The following RPTOR variants were observed in gnomAD, a reference collection of about 807,000 sequenced individuals.
RPTOR encodes regulatory associated protein of MTOR complex 1.
RPTOR carries 21 observed loss-of-function variants against 169.9 expected under a neutral mutation model. The observed-to-expected ratio is 0.12, with a 90% CI of 0.09 to 0.18. RPTOR has a LOEUF of 0.18. RPTOR is among the 10% of genes least tolerant of loss of function. The pLI, the probability that RPTOR is intolerant of heterozygous loss-of-function variation, is 1.00. For synonymous variants in RPTOR, 732 were observed against 753.2 expected (o/e 0.97, Z 0.46); for missense variants, 1,133 against 1,855.9 (o/e 0.61, Z 7.16).
rs114301180 is a variant in RPTOR, at chr17:80,560,506, G to A, written c.162+14715G>A. ...GGCAGGGTGTGAGGTGGTGGTGGCT[G>A]GATGGGCCGGACGGAGAAAGGCCTT... On this transcript the variant is annotated intron_variant, in intron 1 of 33. Transcript: ENST00000306801. Among the ~76,000 whole-genome samples the A allele has an allele frequency of 8.0e-3, 1,222 of 152,272 alleles. 24 individuals are homozygous for A. Among genetic ancestry groups the A allele is most frequent in the African/African-American group, 0.028 (1,158 of 41,540 alleles).
chr17:80,753,073 T>C (rs1402136001), intron 5 of RPTOR, among the ~76,000 whole-genome samples: 4 of 152,218 alleles, frequency 2.6e-5, no homozygotes, highest in African/African-American at 9.6e-5. Flanking sequence ...CCTTTCTCCC[T>C]GATTACAAAA....
intron 14 of RPTOR, among the ~76,000 whole-genome samples, chr17:80,882,163 G>A (rs1383894662): frequency 6.6e-6 from 1 of 152,178 alleles, no homozygotes; most frequent in African/African-American, 2.4e-5. Context: ...TATGAAAGCC[G>A]GGCTAAGAGC....
intron 3 of RPTOR, among the ~76,000 whole-genome samples, chr17:80,700,452 T>A (rs2143051176): frequency 8.1e-6 from 1 of 123,472 alleles, no homozygotes; most frequent in African/African-American, 3.5e-5. Context: ...GTGGTGGTGG[T>A]GATGGTGGTG....
At chr17:80,798,856 G>A (rs894259094) in intron 7 of RPTOR, among the ~76,000 whole-genome samples, 3 of 152,220 alleles carry the variant, frequency 2.0e-5, no homozygotes, top group African/African-American at 7.2e-5. Flanking sequence ...GTCAGTGGGT[G>A]CTGGGTGAGA....
At chr17:80,891,320 C>G (rs2068320228) in intron 17 of RPTOR, among the ~76,000 whole-genome samples, 1 of 152,268 alleles carries the variant, frequency 6.6e-6, no homozygotes, top group Non-Finnish European at 1.5e-5. Context: ...GAAAGGCCGC[C>G]AGCCATCGGG....
At chr17:80,573,610 A>T (rs1239367222) in intron 1 of RPTOR, among the ~76,000 whole-genome samples, 3 of 152,178 alleles carry the variant, frequency 2.0e-5, no homozygotes, top group Non-Finnish European at 4.4e-5. Flanking sequence ...ATATTGCTTT[A>T]TATGCAGCAT....
At chr17:80,863,930 A>G (rs1260784604) in intron 13 of RPTOR, among the ~76,000 whole-genome samples, 1 of 152,234 alleles carries the variant, frequency 6.6e-6, no homozygotes, top group Non-Finnish European at 1.5e-5. Context: ...AAAGAAAGAA[A>G]GAAAATAGCA....
intron 11 of RPTOR, among the ~76,000 whole-genome samples, chr17:80,847,998 C>T (rs1237689215): frequency 2.0e-5 from 3 of 152,260 alleles, no homozygotes; most frequent in East Asian, 1.9e-4. Context: ...GCGTCGCAGG[C>T]GTGCTGTAGG....
At chr17:80,822,995 T>C in intron 8 of RPTOR, 84 bp from the exon 9 acceptor site, 2 of 1,482,934 alleles carry the variant, frequency 1.3e-6, no homozygotes, top group Non-Finnish European at 1.8e-6. Flanking sequence ...TAGTAATTTT[T>C]GATAGAAGTG....
intron 5 of RPTOR, among the ~76,000 whole-genome samples, chr17:80,743,673 A>G (rs2066508011): frequency 1.5e-5 from 2 of 136,374 alleles, no homozygotes; most frequent in Non-Finnish European, 3.5e-5. Flanking sequence ...GGTTGAGGGC[A>G]CAGCCCTGGC....
At chr17:80,925,314 G>A (rs538481557) in intron 23 of RPTOR, 56 bp from the exon 24 acceptor site, 8 of 1,462,340 alleles carry the variant, frequency 5.5e-6, no homozygotes, top group East Asian at 2.3e-5. Context: ...GCTCAGGAGT[G>A]GCATGACTGA....
Position 80,960,221 on chromosome 17 carries a change from C to T in RPTOR, c.3605+16C>T, listed in dbSNP as rs1568012255. 3 of 1,613,032 alleles carry T rather than the reference C, an allele frequency of 1.9e-6. No homozygotes were observed. Among genetic ancestry groups the T allele is most frequent in the Non-Finnish European group, 2.5e-6 (3 of 1,179,728 alleles). On this transcript the variant is annotated intron_variant, in intron 30 of 33. Transcript: ENST00000306801. This position sits in a 1 kb window ranked among gnomAD's most constrained non-coding sequence, Gnocchi z 4.8. ...TCAGCGAATGGTACCTTGACCCTGT[C>T]CTCTCCCTCCCCGAGTGCTGGCAGG...
chr17:80,820,404 G>A lies in RPTOR; in HGVS notation c.891-1797G>A, dbSNP rs996821865. Among the ~76,000 whole-genome samples, 3 of 152,188 alleles carry A rather than the reference G, an allele frequency of 2.0e-5. No individual in the cohort carries two copies. The highest frequency in any genetic ancestry group is 2.9e-5 in the Non-Finnish European group (2 of 68,032). ...ACGATGCCCCCCGTGCCCCTTCTCC[G>A]TGCTGTTTCCTAGGGCTGTGTCCCG... On this transcript the variant is annotated intron_variant, in intron 7 of 33. Transcript: ENST00000306801. The surrounding 1 kb of genome is among the most constrained non-coding windows in gnomAD (Gnocchi z 4.1).
At position 80,633,932 on chromosome 17, in the gene RPTOR, C is replaced by T. The variant is rs1195937897; in HGVS notation, c.265+8139C>T. On this transcript the variant is annotated intron_variant, in intron 2 of 33. Transcript: ENST00000306801. This position sits in a 1 kb window ranked among gnomAD's most constrained non-coding sequence, Gnocchi z 4.1. ...ACTTTGTCTCATCTAGTCTTTTTCC[C>T]AGCCTCATTCCTCTTAGTGGAATGT... Among the ~76,000 whole-genome samples the T allele has an allele frequency of 6.6e-6, 1 of 152,186 alleles. No individual in the cohort carries two copies. Among genetic ancestry groups the T allele is most frequent in the Non-Finnish European group, 1.5e-5 (1 of 68,048 alleles).
intron 3 of RPTOR, among the ~76,000 whole-genome samples, chr17:80,687,366 A>G (rs34785514): frequency 0.18 from 26,761 of 152,144 alleles, 3,760 homozygotes; most frequent in African/African-American, 0.39. Flanking sequence ...CACTCAGCCC[A>G]TGTTTGTCAG....
chr17:80,832,601 A>G lies in RPTOR; in HGVS notation c.1137-5321A>G, dbSNP rs562871928. Among the ~76,000 whole-genome samples, 14 of 152,316 alleles carry G rather than the reference A, an allele frequency of 9.2e-5. No individual in the cohort carries two copies. The East Asian group carries it at 2.7e-3, about 29-fold the overall frequency. On this transcript the variant is annotated intron_variant, in intron 9 of 33. Transcript: ENST00000306801. ...GACGGAGAACATTCGGCTCAGAAAC[A>G]GAATCGTGCTCTCCTCTGTTACTAG...
At chr17:80,712,169 T>C (rs1054910523) in intron 4 of RPTOR, among the ~76,000 whole-genome samples, 1 of 152,186 alleles carries the variant, frequency 6.6e-6, no homozygotes, top group Non-Finnish European at 1.5e-5. Flanking sequence ...ATATCTTGCT[T>C]TGGTTTGTTA....
At chr17:80,553,740 G>GT (rs1284779289) in intron 1 of RPTOR, among the ~76,000 whole-genome samples, 113 of 109,216 alleles carry the variant, frequency 1.0e-3, no homozygotes, top group South Asian at 3.9e-3. Context: ...GAGGATAGGT[G>GT]TTTTTTTTTC....
At chr17:80,635,333 A>G (rs994510748) in intron 2 of RPTOR, among the ~76,000 whole-genome samples, 2 of 152,152 alleles carry the variant, frequency 1.3e-5, no homozygotes, top group African/African-American at 4.8e-5. Context: ...GGCTCCCATC[A>G]TCCTGAGACA....
Sources: allele counts gnomAD v4.1 joint callset (sites outside exome capture counted in the v4.1 genomes callset), GRCh38; gene constraint gnomAD v4.1.1; non-coding constraint Gnocchi (gnomAD v3.1); transcripts MANE v1.5; gene names NCBI Gene and HGNC (gene_info 2026-07-23, HGNC 2026-07-21).